Variants in FUCA2 observed in about 807,000 individuals in gnomAD.
FUCA2 encodes alpha-L-fucosidase 2.
In FUCA2, 41 loss-of-function variants were observed where a neutral mutation model predicts 52.6. That is an observed-to-expected ratio of 0.78 (90% confidence interval 0.61 to 1.01). FUCA2 has a LOEUF of 1.01. Among genes scored for constraint, FUCA2 ranks in the 50% least tolerant of loss-of-function variants. The probability of loss-of-function intolerance (pLI) is 0.00; values close to 1 mark genes in which losing one functional copy is unlikely to be tolerated. For missense variants in FUCA2, 507 were observed against 569.5 expected, an observed-to-expected ratio of 0.89 and a Z score of 1.12; for synonymous variants, 211 against 217.3, an observed-to-expected ratio of 0.97 and a Z score of 0.26.
chr6:143,495,619 A>AT lies in FUCA2; in HGVS notation c.*87dup. ...AAATAATTTTCTTATCCAGTTTTAC[A>AT]TTTGCTTTCTCCATGTGCTACAATT... On this transcript the variant is annotated 3_prime_UTR_variant, in exon 7 of 7. Transcript: ENST00000002165. The surrounding 1 kb of genome is among the most constrained non-coding windows in gnomAD (Gnocchi z 5.2). 7.6e-7 allele frequency: 1 copy of AT among 1,321,414 alleles called. No homozygotes were observed. The highest frequency in any genetic ancestry group is 1.0e-6 in the Non-Finnish European group (1 of 977,758). The allele number at this position is 1,321,414 out of a possible 1,614,324, so 81.9% of individuals were successfully genotyped here.
rs1450407358 is a variant in FUCA2 at position 143,504,504 on chromosome 6, C to G, written c.413-252G>C. 1.4e-5 allele frequency: 6 copies of G among 420,978 alleles called. No individual in the cohort carries two copies. The highest frequency in any genetic ancestry group is 6.0e-5 in the African/African-American group (3 of 49,866). The allele number at this position is 420,978 out of a possible 1,614,324, so 26.1% of individuals were successfully genotyped here. A position where few individuals can be genotyped will look rare whatever the true frequency, so the allele number is the denominator to read the frequency against. ...TATCACTGTACGGTCTGATCTATCT[C>G]CAGTATTTTCCCTCTTAGATTTTAA... is the stretch of plus-strand genomic sequence containing the variant. On this transcript the variant is annotated intron_variant, in intron 2 of 6. Transcript: ENST00000002165. The surrounding 1 kb of genome is among the most constrained non-coding windows in gnomAD (Gnocchi z 4.4).
Position 143,504,876 on chromosome 6 carries a change from TC to T in FUCA2, c.413-625del, listed in dbSNP as rs1280862820. 6.6e-6 allele frequency: 1 copy of T among 151,784 alleles called. No homozygotes were observed. The highest frequency in any genetic ancestry group is 1.5e-5 in the Non-Finnish European group (1 of 67,978). The allele number at this position is 151,784 out of a possible 1,614,324, so 9.4% of individuals were successfully genotyped here. ...AGGGGCAAAAAAAAACCCCTACTAT[TC>T]CCAATAGTTCTATACTTTAAAATAT... is the stretch of plus-strand genomic sequence containing the variant. On this transcript the variant is annotated intron_variant, in intron 2 of 6. Transcript: ENST00000002165. This position sits in a 1 kb window ranked among gnomAD's most constrained non-coding sequence, Gnocchi z 4.4.
In FUCA2 at chr6:143,504,829, G is replaced by A. The variant is rs2128422249; in HGVS notation, c.413-577C>T. 1 of 151,702 alleles carries A rather than the reference G, an allele frequency of 6.6e-6. No homozygotes were observed. Among genetic ancestry groups the A allele is most frequent in the East Asian group, 1.9e-4 (1 of 5,160 alleles). The allele number at this position is 151,702 out of a possible 1,614,324, so 9.4% of individuals were successfully genotyped here. On this transcript the variant is annotated intron_variant, in intron 2 of 6. Transcript: ENST00000002165. This position sits in a 1 kb window ranked among gnomAD's most constrained non-coding sequence, Gnocchi z 4.4. Reference sequence around the variant, plus strand: ...ATCCACGTATAGCAAATCTCTTTTAGCCTGATTATTTATTTAACCAGAGGG... The same window carrying A: ...ATCCACGTATAGCAAATCTCTTTTAACCTGATTATTTATTTAACCAGAGGG...
intron 2 of FUCA2, chr6:143,505,775 T>C (rs1780597336): frequency 6.6e-6 from 1 of 152,186 alleles, no homozygotes; most frequent in Non-Finnish European, 1.5e-5. Context: ...TGAGTCTTCA[T>C]TTGAATATCA....
chr6:143,502,331 T>C lies in FUCA2; in HGVS notation c.963+24A>G, dbSNP rs750636373. The C allele has an allele frequency of 5.0e-6, 8 of 1,602,514 alleles. No individual in the cohort carries two copies. The Admixed American group carries it at 1.3e-4, about 27-fold the overall frequency. ...CACACTATTAAGAATATTATGTTAA[T>C]AGCCACCAGACATTTCACTGTACCT... On this transcript the variant is annotated intron_variant, in intron 4 of 6. Coordinates refer to ENST00000002165, the MANE Select transcript of FUCA2 (RefSeq NM_032020.5). The surrounding 1 kb of genome is among the most constrained non-coding windows in gnomAD (Gnocchi z 4.1).
At chr6:143,505,914 TTTGA>T (rs1780600102) in intron 2 of FUCA2, 1 of 152,202 alleles carries the variant, frequency 6.6e-6, no homozygotes, top group Non-Finnish European at 1.5e-5. Flanking sequence ...CTCCTCACAG[TTTGA>T]TTAACAATTT....
Position 143,497,399 on chromosome 6 carries a change from C to T in FUCA2, c.1253G>A (p.Gly418Glu), listed in dbSNP as rs1288053097. Residue 418 changes from glycine (G) to glutamate (E), a missense_variant, in exon 6 of 7, where the codon GGG becomes GAG. Coordinates refer to ENST00000002165, the MANE Select transcript of FUCA2 (RefSeq NM_032020.5). This position sits in a 1 kb window ranked among gnomAD's most constrained non-coding sequence, Gnocchi z 5.3. The stretch of plus-strand genomic sequence containing the variant: ...AAAATTCCCTCTTACCTCTGTTGCC[C>T]CCAGAATAGCTTTGGGATGGCCAAG... ...LFLGHPKAIL[G>E]ATEVKLLGHG... The T allele has an allele frequency of 6.2e-7, 1 of 1,609,068 alleles. No homozygotes were observed. The highest frequency in any genetic ancestry group is 2.2e-5 in the East Asian group (1 of 44,832).
intron 2 of FUCA2, chr6:143,506,149 T>C (rs1454354644): frequency 1.3e-5 from 2 of 151,766 alleles, no homozygotes; most frequent in East Asian, 3.9e-4. Flanking sequence ...TCCTCTCCTA[T>C]TCCCATCCCA....
intron 2 of FUCA2, chr6:143,505,515 C>T (rs1780591990): frequency 6.6e-6 from 1 of 152,126 alleles, no homozygotes; most frequent in African/African-American, 2.4e-5. Context: ...CAGGGTCTCA[C>T]TTTGCTGCCT....
chr6:143,496,804 T>C (rs879907626), intron 6 of FUCA2: 2 of 152,140 alleles, frequency 1.3e-5, no homozygotes, highest in Non-Finnish European at 2.9e-5. Flanking sequence ...AGAAGAATCA[T>C]TTTGGATGCA....
In FUCA2 at chr6:143,495,585, G is replaced by A; in HGVS notation, c.*122C>T. 1 of 1,041,116 alleles carries A rather than the reference G, an allele frequency of 9.6e-7. No individual in the cohort carries two copies. The allele number at this position is 1,041,116 out of a possible 1,614,324, so 64.5% of individuals were successfully genotyped here. ...TTTAGTGGGAAAAAGGGAAAGGGCTGAACTGCCAAAATAATTTTCTTATCC... is the reference window on the plus strand; with the variant it reads ...TTTAGTGGGAAAAAGGGAAAGGGCTAAACTGCCAAAATAATTTTCTTATCC... On this transcript the variant is annotated 3_prime_UTR_variant, in exon 7 of 7. Transcript: ENST00000002165. This position sits in a 1 kb window ranked among gnomAD's most constrained non-coding sequence, Gnocchi z 5.2.
chr6:143,502,472 G>A lies in FUCA2; in HGVS notation c.846C>T (p.Asn282=). The change falls in exon 4 of 7, where the codon AAC becomes AAT. Residue 282 remains asparagine (N), a synonymous_variant. Transcript: ENST00000002165. The surrounding 1 kb of genome is among the most constrained non-coding windows in gnomAD (Gnocchi z 4.1). ...GGFYTCSDRY[N]PGHLLPHKWE... is the part of the protein sequence containing the mutation. ...ATTTATGTGGCAAAAGATGTCCTGGGTTATAACGATCACTGCAGGTATAGA... is the reference window on the plus strand; with the variant it reads ...ATTTATGTGGCAAAAGATGTCCTGGATTATAACGATCACTGCAGGTATAGA... 1 of 1,614,056 alleles carries A rather than the reference G, an allele frequency of 6.2e-7. No individual in the cohort carries two copies. Among genetic ancestry groups the A allele is most frequent in the South Asian group, 1.1e-5 (1 of 91,076 alleles).
intron 2 of FUCA2, chr6:143,505,989 A>G (rs1306952765): frequency 2.6e-5 from 4 of 152,184 alleles, no homozygotes; most frequent in African/African-American, 9.7e-5. Flanking sequence ...GTTCCTAGAC[A>G]TCAGGAAATC....
Position 143,495,901 on chromosome 6 carries a change from C to G in FUCA2, c.1264-54G>C, listed in dbSNP as rs949830890. ...CTCCAAATTTATCTCTTTATCTCAC[C>G]CACTTTCTATTGGGAAGGAGTGATT... On this transcript the variant is annotated intron_variant, in intron 6 of 6. Coordinates refer to ENST00000002165, the MANE Select transcript of FUCA2 (RefSeq NM_032020.5). The surrounding 1 kb of genome is among the most constrained non-coding windows in gnomAD (Gnocchi z 5.2). 2.1e-5 allele frequency: 33 copies of G among 1,582,716 alleles called. No individual in the cohort carries two copies. The highest frequency in any genetic ancestry group is 2.8e-5 in the Non-Finnish European group (33 of 1,158,158).
rs200632280 is a variant in FUCA2, at chr6:143,495,750, G to A, written c.1361C>T (p.Pro454Leu). ...ELPQLTIHQM[P>L]CKWGWALALT... ...GGCTAGAGCCCAGCCCCATTTACACGGCATCTGATGAATGGTTAGCTGTGG... is the reference window on the plus strand; with the variant it reads ...GGCTAGAGCCCAGCCCCATTTACACAGCATCTGATGAATGGTTAGCTGTGG... The change falls in exon 7 of 7, where the codon CCG becomes CTG. Residue 454 changes from proline to leucine, a missense_variant. Coordinates refer to ENST00000002165, the MANE Select transcript of FUCA2 (RefSeq NM_032020.5). The surrounding 1 kb of genome is among the most constrained non-coding windows in gnomAD (Gnocchi z 5.2). 39 of 1,613,900 alleles carry A rather than the reference G, an allele frequency of 2.4e-5. No homozygotes were observed. Among genetic ancestry groups the A allele is most frequent in the East Asian group, 1.3e-4 (6 of 44,890 alleles).
rs1360165867 is a variant in FUCA2 at position 143,497,317 on chromosome 6, C to T, written c.1263+72G>A. 1.0e-6 allele frequency: 1 copy of T among 993,624 alleles called. No individual in the cohort carries two copies. Among genetic ancestry groups the T allele is most frequent in the South Asian group, 1.3e-5 (1 of 76,792 alleles). The allele number at this position is 993,624 out of a possible 1,614,324, so 61.6% of individuals were successfully genotyped here. ...TAAGTGAAACAGTTATAAGGCTCCC[C>T]TTAAAAGTTAATGTTTGCATCAAGA... On this transcript the variant is annotated intron_variant, in intron 6 of 6. Transcript: ENST00000002165. The surrounding 1 kb of genome is among the most constrained non-coding windows in gnomAD (Gnocchi z 5.3).
intron 2 of FUCA2, chr6:143,506,575 T>G (rs1021256025): frequency 2.6e-5 from 4 of 152,156 alleles, no homozygotes; most frequent in Admixed American, 1.3e-4. Context: ...AAACAATTTG[T>G]TAATGCTTCC....
In FUCA2 at chr6:143,501,996, C is replaced by T; in HGVS notation, c.1090G>A (p.Gly364Arg). Residue 364 changes from glycine to arginine, a missense_variant, in exon 5 of 7, where the codon GGA (glycine) becomes AGA (arginine). By Grantham distance (125) the Gly-to-Arg change is moderately radical. Transcript: ENST00000002165. The surrounding 1 kb of genome is among the most constrained non-coding windows in gnomAD (Gnocchi z 6.1). ...GTATGGGTTTCATAAATAGCTTCTC[C>T]ATTGACTTTTAGCCAGGACCCCATT... ...RQMGSWLKVN[G>R]EAIYETHTWR... 4 of 1,613,900 alleles carry T rather than the reference C, an allele frequency of 2.5e-6. No individual in the cohort carries two copies. The South Asian group carries it at 4.4e-5, about 18-fold the overall frequency.
In FUCA2 at chr6:143,503,644, C is replaced by T. The variant is rs1780560931; in HGVS notation, c.752+269G>A. On this transcript the variant is annotated intron_variant, in intron 3 of 6. Coordinates refer to ENST00000002165, the MANE Select transcript of FUCA2 (RefSeq NM_032020.5). The surrounding 1 kb of genome is among the most constrained non-coding windows in gnomAD (Gnocchi z 4.8). ...GTAGGAGAGAAAAAGGGGGGACCCA[C>T]AAAATTAACACCTTCAAAGTTCTTG... 5.8e-6 allele frequency: 2 copies of T among 345,194 alleles called. No individual in the cohort carries two copies. The highest frequency in any genetic ancestry group is 2.1e-5 in the African/African-American group (1 of 46,948). 21.4% of individuals were successfully genotyped at this position (345,194 alleles called of 1,614,324 possible).
Sources: gnomAD v4.1 joint callset for allele counts on GRCh38, gnomAD v4.1.1 for gene constraint, Gnocchi (gnomAD v3.1) non-coding constraint, MANE v1.5 for transcripts, NCBI Gene and HGNC (gene_info 2026-07-23, HGNC 2026-07-21) for gene names.